Variants in GAB2 observed in about 807,000 individuals in gnomAD.
The protein encoded by GAB2 is GRB2 associated binding protein 2.
Under a neutral mutation model 65.5 loss-of-function variants are expected in GAB2, and 26 were observed. The ratio of observed to expected loss-of-function variants is 0.40; its 90% CI spans 0.29 to 0.55. The LOEUF is 0.55. Ranked by LOEUF, GAB2 falls within the 20% of genes least tolerant of loss-of-function variation. GAB2 has a pLI of 0.53. For synonymous variants in GAB2, 321 were observed against 329.6 expected (o/e 0.97, Z 0.28); for missense variants, 884 against 875.8 (o/e 1.01, Z -0.12).
intron 1 of GAB2, among the ~76,000 whole-genome samples, chr11:78,409,572 C>T (rs374501541): frequency 1.3e-5 from 2 of 151,846 alleles, no homozygotes; most frequent in South Asian, 2.1e-4. Flanking sequence ...GCAACAACAG[C>T]GGAACTCCAT....
intron 1 of GAB2, among the ~76,000 whole-genome samples, chr11:78,398,792 T>C (rs899295383): frequency 1.4e-4 from 22 of 152,326 alleles, no homozygotes; most frequent in Middle Eastern, 3.4e-3. Flanking sequence ...AGGAAATGGC[T>C]AGCTAATTCC....
intron 1 of GAB2, among the ~76,000 whole-genome samples, chr11:78,342,259 C>A (rs961728162): frequency 4.6e-5 from 7 of 152,152 alleles, no homozygotes; most frequent in African/African-American, 1.7e-4. Flanking sequence ...ATTCTCACAT[C>A]GCATTATTCC....
At chr11:78,323,768 C>T (rs183393031) in intron 1 of GAB2, among the ~76,000 whole-genome samples, 63 of 149,050 alleles carry the variant, frequency 4.2e-4, no homozygotes, top group African/African-American at 1.4e-3. Context: ...AACAAACCTA[C>T]ACGTGTACCC....
intron 2 of GAB2, among the ~76,000 whole-genome samples, chr11:78,272,691 G>A (rs1449083978): frequency 6.6e-6 from 1 of 152,256 alleles, no homozygotes; most frequent in Non-Finnish European, 1.5e-5. Flanking sequence ...CAAGCTGGCT[G>A]CAGAAATTTG....
chr11:78,262,547 T>C (rs117854490), intron 2 of GAB2, among the ~76,000 whole-genome samples: 1 of 152,158 alleles, frequency 6.6e-6, no homozygotes, highest in Non-Finnish European at 1.5e-5. Context: ...GCCCTTCATG[T>C]GCTGAGTAGA....
chr11:78,264,609 G>A (rs997803398), intron 2 of GAB2, among the ~76,000 whole-genome samples: 7 of 151,686 alleles, frequency 4.6e-5, no homozygotes, highest in African/African-American at 1.7e-4. Flanking sequence ...GTTTCGCCAT[G>A]TTGGCCAGGC....
chr11:78,348,458 A>G (rs1211164595), intron 1 of GAB2, among the ~76,000 whole-genome samples: 1 of 152,270 alleles, frequency 6.6e-6, no homozygotes, highest in Non-Finnish European at 1.5e-5. Flanking sequence ...AAAAGAAGAT[A>G]GTATACAAAA....
chr11:78,350,292 G>C lies in GAB2; in HGVS notation c.75+67354C>G, dbSNP rs1420723837. Among the ~76,000 whole-genome samples the C allele has an allele frequency of 2.6e-5, 4 of 152,176 alleles. No homozygotes were observed. In the East Asian group the frequency reaches 5.8e-4, roughly 22 times the overall value. ...TCAGGAGGGGAACCCACACTGCAGA[G>C]GAAAAGTAAAGAGGCCTGGGTGCCG... On this transcript the variant is annotated intron_variant, in intron 1 of 9. Transcript: ENST00000361507.
chr11:78,293,186 A>G (rs1281753773), intron 1 of GAB2, among the ~76,000 whole-genome samples: 1 of 152,226 alleles, frequency 6.6e-6, no homozygotes, highest in East Asian at 1.9e-4. Context: ...CAGCATAGTT[A>G]ACTGTATTTG....
At chr11:78,273,161 G>C (rs1359872178) in intron 2 of GAB2, among the ~76,000 whole-genome samples, 1 of 152,246 alleles carries the variant, frequency 6.6e-6, no homozygotes, top group East Asian at 1.9e-4. Context: ...CCCCCACACA[G>C]AGTCCCTTCT....
intron 2 of GAB2, among the ~76,000 whole-genome samples, chr11:78,276,500 T>A (rs950655634): frequency 1.3e-5 from 2 of 152,192 alleles, no homozygotes; most frequent in African/African-American, 4.8e-5. Context: ...GTGTCGCTAA[T>A]CTTGGTGATT....
intron 1 of GAB2, among the ~76,000 whole-genome samples, chr11:78,359,927 T>C (rs537172346): frequency 5.7e-4 from 87 of 152,312 alleles, no homozygotes; most frequent in African/African-American, 1.8e-3. Flanking sequence ...CCTTAGGCCA[T>C]ATAAGATAAT....
At chr11:78,394,219 C>T (rs1340914305) in intron 1 of GAB2, among the ~76,000 whole-genome samples, 4 of 152,028 alleles carry the variant, frequency 2.6e-5, no homozygotes, top group Non-Finnish European at 5.9e-5. Flanking sequence ...ACCCAGGAGG[C>T]GGAGGTTGCA....
intron 3 of GAB2, among the ~76,000 whole-genome samples, chr11:78,232,419 G>T (rs770173494): frequency 6.9e-4 from 105 of 152,280 alleles, no homozygotes; most frequent in Admixed American, 2.4e-3. Flanking sequence ...TCTGGAATGA[G>T]GCCCCAAAGG....
intron 1 of GAB2, among the ~76,000 whole-genome samples, chr11:78,398,107 A>C (rs575870022): frequency 6.6e-5 from 10 of 152,230 alleles, no homozygotes; most frequent in Admixed American, 1.3e-4. Flanking sequence ...AACTCATTTC[A>C]ACAATCCTCA....
At chr11:78,237,035 T>C (rs1305897829) in intron 3 of GAB2, among the ~76,000 whole-genome samples, 1 of 152,216 alleles carries the variant, frequency 6.6e-6, no homozygotes, top group Non-Finnish European at 1.5e-5. Flanking sequence ...CAGATTTTGA[T>C]AGTAGGGTTA....
At chr11:78,242,468 C>T (rs932914458) in intron 3 of GAB2, among the ~76,000 whole-genome samples, 1 of 151,494 alleles carries the variant, frequency 6.6e-6, no homozygotes, top group African/African-American at 2.4e-5. Flanking sequence ...TGCCACTGCA[C>T]TCCAGCCTGG....
At chr11:78,277,183 T>G (rs77346019) in intron 2 of GAB2, among the ~76,000 whole-genome samples, 1,854 of 152,356 alleles carry the variant, frequency 0.012, 33 homozygotes, top group African/African-American at 0.042. Flanking sequence ...ATATATTTTC[T>G]TGATGAGAAC....
In GAB2 at chr11:78,230,582, A is replaced by G. The variant is rs192732333; in HGVS notation, c.621-3531T>C. 3.3e-4 allele frequency among the ~76,000 whole-genome samples: 51 copies of G among 152,274 alleles called. No homozygotes were observed. In the South Asian group the frequency reaches 5.2e-3, roughly 15 times the overall value. ...TTCAGGTCTGTGTCTTTCCACTTCT[A>G]CCAGACCATGTGCTCCTAGAAGGCA... On this transcript the variant is annotated intron_variant, in intron 3 of 9. Coordinates refer to ENST00000361507, the MANE Select transcript of GAB2 (RefSeq NM_080491.3).
Sources: gnomAD v4.1 joint callset for allele counts (sites outside exome capture counted in the v4.1 genomes callset) on GRCh38, gnomAD v4.1.1 for gene constraint, MANE v1.5 for transcripts, NCBI Gene and HGNC (gene_info 2026-07-23, HGNC 2026-07-21) for gene names.